The following RIMS1 variants were observed in gnomAD, a reference collection of about 807,000 sequenced individuals.
The protein encoded by RIMS1 is regulating synaptic membrane exocytosis protein 1.
Under a neutral mutation model 214.1 loss-of-function variants are expected in RIMS1, and 83 were observed. That is an observed-to-expected ratio of 0.39 (90% CI 0.32 to 0.47). RIMS1 has a LOEUF of 0.47. RIMS1 is among the 20% of genes least tolerant of loss of function. The probability of loss-of-function intolerance (pLI) is 0.99; values close to 1 mark genes in which losing one functional copy is unlikely to be tolerated. For missense variants in RIMS1, 2,050 were observed against 2,161.8 expected (o/e 0.95, Z 1.03); for synonymous variants, 793 against 786.8 (o/e 1.01, Z -0.13).
chr6:72,167,796 A>G (rs1210833736), intron 4 of RIMS1, among the ~76,000 whole-genome samples: 1 of 151,832 alleles, frequency 6.6e-6, no homozygotes, highest in Non-Finnish European at 1.5e-5. Flanking sequence ...TCTTTGAGTA[A>G]TTATATTTTC....
intron 2 of RIMS1, among the ~76,000 whole-genome samples, chr6:72,089,032 TTCACCCCTGGTACAGTGGAAG>T (rs1245110169): frequency 1.3e-5 from 2 of 151,994 alleles, no homozygotes; most frequent in Non-Finnish European, 2.9e-5. Context: ...TCAGATATTG[TTCACCCCTGGTACAGTGGAAG>T]GAATTAAGCA....
At chr6:72,218,848 G>A (rs1369935953) in intron 6 of RIMS1, among the ~76,000 whole-genome samples, 2 of 152,110 alleles carry the variant, frequency 1.3e-5, no homozygotes, top group African/African-American at 4.8e-5. Context: ...TATTTATGAG[G>A]GCAATAACTT....
intron 4 of RIMS1, among the ~76,000 whole-genome samples, chr6:72,127,127 A>G (rs1237421306): frequency 1.3e-5 from 2 of 152,144 alleles, no homozygotes; most frequent in South Asian, 2.1e-4. Flanking sequence ...CCATCACCAG[A>G]GTATTTTTCC....
intron 1 of RIMS1, among the ~76,000 whole-genome samples, chr6:71,927,789 A>C (rs1781958016): frequency 6.6e-6 from 1 of 152,146 alleles, no homozygotes; most frequent in African/African-American, 2.4e-5. Flanking sequence ...CATATGTTAA[A>C]ATAAAAAATT....
chr6:72,313,587 G>T lies in RIMS1; in HGVS notation c.4045G>T (p.Ala1349Ser). 6.2e-7 allele frequency: 1 copy of T among 1,613,650 alleles called. No homozygotes were observed. Among genetic ancestry groups the T allele is most frequent in the Non-Finnish European group, 8.5e-7 (1 of 1,179,766 alleles). ...SSDSDVSDVS[A>S]ISRTSSASRL... ...AGATAGTGATGTCAGTGATGTTTCC[G>T]CCATTTCCCGAACCAGCAGTGCCTC... Residue 1349 changes from alanine (A) to serine (S), a missense_variant, in exon 28 of 34, where the codon GCC (alanine) becomes TCC (serine). By Grantham distance (99) the Ala-to-Ser change is moderately conservative. Transcript: ENST00000521978.
intron 2 of RIMS1, among the ~76,000 whole-genome samples, chr6:71,977,568 G>T (rs1486914930): frequency 1.3e-5 from 2 of 152,004 alleles, no homozygotes; most frequent in African/African-American, 2.4e-5. Flanking sequence ...GGCCTAACCT[G>T]AATGCAATGA....
intron 29 of RIMS1, among the ~76,000 whole-genome samples, chr6:72,386,928 G>T (rs1412327581): frequency 1.3e-5 from 2 of 151,718 alleles, no homozygotes; most frequent in African/African-American, 4.8e-5. Flanking sequence ...TAGAGACAGG[G>T]TTTCACCATG....
rs1180793385 is a variant in RIMS1, at chr6:72,161,017, CT to C, written c.472-18548del. On this transcript the variant is annotated intron_variant, in intron 4 of 33. Coordinates refer to ENST00000521978, the MANE Select transcript of RIMS1 (RefSeq NM_014989.7). Reference sequence around the variant, plus strand: ...GGCTGTGAATCCATCTGGTTCTGGACTTTTTTTTTTGGTTGGTAGGCAATTA... The same window carrying C: ...GGCTGTGAATCCATCTGGTTCTGGACTTTTTTTTTGGTTGGTAGGCAATTA... 1.7e-4 allele frequency among the ~76,000 whole-genome samples: 23 copies of C among 132,468 alleles called. 1 individual carries two copies. The highest frequency in any genetic ancestry group is 2.3e-4 in the Admixed American group (3 of 12,798). The allele number at this position is 132,468 out of a possible 152,430, so 86.9% of individuals were successfully genotyped here.
chr6:72,132,440 C>G (rs897114856), intron 4 of RIMS1, among the ~76,000 whole-genome samples: 1 of 152,152 alleles, frequency 6.6e-6, no homozygotes, highest in African/African-American at 2.4e-5. Flanking sequence ...GAAAATATCA[C>G]CAGTTGTTGA....
chr6:72,018,145 G>A (rs1462603613), intron 2 of RIMS1, among the ~76,000 whole-genome samples: 1 of 151,448 alleles, frequency 6.6e-6, no homozygotes, highest in East Asian at 1.9e-4. Context: ...TATTACTTGA[G>A]GGCTATTGAA....
rs534797784 is a variant in RIMS1, at chr6:72,142,218, C to T, written c.472-37357C>T. Among the ~76,000 whole-genome samples the T allele has an allele frequency of 7.2e-5, 11 of 151,966 alleles. No homozygotes were observed. The South Asian group carries it at 2.1e-3, about 29-fold the overall frequency. ...AAATCATTGGGTTAACCATTATTGT[C>T]CTCCCTTTATAGGAGAAAAGTAAAT... On this transcript the variant is annotated intron_variant, in intron 4 of 33. Transcript: ENST00000521978.
chr6:72,161,888 T>C lies in RIMS1; in HGVS notation c.472-17687T>C, dbSNP rs577415003. Reference sequence around the variant, plus strand: ...TGTTGATTTGGGGTGGAGAGTTCTATAGATGTCTATTAGGTCCGCTTGGTG... The same window carrying C: ...TGTTGATTTGGGGTGGAGAGTTCTACAGATGTCTATTAGGTCCGCTTGGTG... On this transcript the variant is annotated intron_variant, in intron 4 of 33. Coordinates refer to ENST00000521978, the MANE Select transcript of RIMS1 (RefSeq NM_014989.7). Among the ~76,000 whole-genome samples the C allele has an allele frequency of 3.4e-3, 474 of 141,290 alleles. 30 individuals carry two copies. The highest frequency in any genetic ancestry group is 0.011 in the African/African-American group (455 of 40,810). 92.7% of individuals were successfully genotyped at this position (141,290 alleles called of 152,430 possible).
chr6:72,273,714 G>C (rs2154192540), intron 22 of RIMS1, among the ~76,000 whole-genome samples: 1 of 152,164 alleles, frequency 6.6e-6, no homozygotes, highest in Non-Finnish European at 1.5e-5. Context: ...TTATTTATCA[G>C]TATCGTTTAC....
chr6:72,110,720 C>G (rs1487105434), intron 4 of RIMS1, among the ~76,000 whole-genome samples: 2 of 151,912 alleles, frequency 1.3e-5, no homozygotes, highest in Non-Finnish European at 2.9e-5. Flanking sequence ...ATAGCCCTGG[C>G]CAGAACTTCC....
chr6:72,214,888 A>AT (rs1418792855), intron 6 of RIMS1, among the ~76,000 whole-genome samples: 1 of 151,842 alleles, frequency 6.6e-6, no homozygotes, highest in Non-Finnish European at 1.5e-5. Context: ...CACGCAGCTA[A>AT]TTTTTTGTAT....
intron 29 of RIMS1, among the ~76,000 whole-genome samples, chr6:72,379,619 A>G (rs1420256605): frequency 6.6e-6 from 1 of 152,244 alleles, no homozygotes; most frequent in African/African-American, 2.4e-5. Context: ...GAATACTTTG[A>G]GATCTTATTC....
At chr6:72,050,765 TTC>T (rs988163306) in intron 2 of RIMS1, among the ~76,000 whole-genome samples, 14 of 152,096 alleles carry the variant, frequency 9.2e-5, no homozygotes, top group Non-Finnish European at 2.1e-4. Flanking sequence ...TGTCTGTCTT[TTC>T]GTAAGGTTTA....
chr6:72,275,375 C>T (rs539059192), intron 23 of RIMS1, among the ~76,000 whole-genome samples: 9 of 151,304 alleles, frequency 5.9e-5, no homozygotes, highest in Non-Finnish European at 8.9e-5. Context: ...TGTGTGCGTA[C>T]GGCAGAGTAA....
chr6:72,378,438 CT>C (rs754559445), intron 29 of RIMS1, among the ~76,000 whole-genome samples: 57 of 152,314 alleles, frequency 3.7e-4, no homozygotes, highest in Non-Finnish European at 6.5e-4. Context: ...ACCTAAAACC[CT>C]CTCTTCTATC....
Sources: gnomAD v4.1 joint callset for allele counts (sites outside exome capture counted in the v4.1 genomes callset) on GRCh38, gnomAD v4.1.1 for gene constraint, MANE v1.5 for transcripts, NCBI Gene and HGNC (gene_info 2026-07-23, HGNC 2026-07-21) for gene names.